ACTL8: variants seen among roughly 807,000 people sequenced by gnomAD.
The protein encoded by ACTL8 is actin like 8.
ACTL8 carries 3 observed loss-of-function variants against 9.3 expected under a neutral mutation model. The ratio of observed to expected loss-of-function variants is 0.32; its 90% CI spans 0.15 to 0.83. ACTL8 has a LOEUF of 0.83. Ranked by LOEUF, ACTL8 falls within the 40% of genes least tolerant of loss-of-function variation. The pLI, the probability that ACTL8 is intolerant of heterozygous loss-of-function variation, is 0.57. For missense variants in ACTL8, 381 were observed against 492.2 expected (o/e 0.77, Z 2.14); for synonymous variants, 224 against 205.9 (o/e 1.09, Z -0.75).
chr1:17,782,859 T>A (rs2066166546), intron 1 of ACTL8, among the ~76,000 whole-genome samples: 1 of 152,208 alleles, frequency 6.6e-6, no homozygotes, highest in African/African-American at 2.4e-5. Flanking sequence ...TGAATCTGTG[T>A]GAAGCTAGTC....
At chr1:17,766,321 A>G (rs988149884) in intron 1 of ACTL8, among the ~76,000 whole-genome samples, 1 of 152,158 alleles carries the variant, frequency 6.6e-6, no homozygotes, top group African/African-American at 2.4e-5. Context: ...TGGGACTGGT[A>G]CTTTGGCCCT....
chr1:17,785,948 G>T (rs2066194497), intron 1 of ACTL8, among the ~76,000 whole-genome samples: 1 of 152,110 alleles, frequency 6.6e-6, no homozygotes, highest in South Asian at 2.1e-4. Flanking sequence ...GCTGGAGTTG[G>T]GAGAGAAGTG....
At chr1:17,800,338 C>T (rs1465969189) in intron 1 of ACTL8, among the ~76,000 whole-genome samples, 3 of 152,052 alleles carry the variant, frequency 2.0e-5, no homozygotes, top group Non-Finnish European at 4.4e-5. Flanking sequence ...GTGTTTTCTT[C>T]TAGTTGGTTA....
chr1:17,822,766 A>G (rs945757294), intron 1 of ACTL8, among the ~76,000 whole-genome samples: 1 of 152,124 alleles, frequency 6.6e-6, no homozygotes, highest in African/African-American at 2.4e-5. Context: ...GGTGGGGGCC[A>G]CTTCCTGGAT....
chr1:17,790,251 C>T (rs1240692555), intron 1 of ACTL8, among the ~76,000 whole-genome samples: 3 of 152,224 alleles, frequency 2.0e-5, no homozygotes, highest in East Asian at 3.9e-4. Flanking sequence ...ATGGGGAGCT[C>T]CCAGGTCTGG....
At chr1:17,818,672 T>C (rs1396932217) in intron 1 of ACTL8, among the ~76,000 whole-genome samples, 1 of 152,222 alleles carries the variant, frequency 6.6e-6, no homozygotes, top group Admixed American at 6.5e-5. Context: ...TTCAGTTTTC[T>C]GCTCAGATGT....
chr1:17,812,022 T>TC (rs112469591), intron 1 of ACTL8, among the ~76,000 whole-genome samples: 73,443 of 151,498 alleles, frequency 0.48, 18,245 homozygotes, highest in East Asian at 0.68. Flanking sequence ...CTAATTTTTT[T>TC]ATTTTTTGTA....
chr1:17,784,462 G>A (rs1049536764), intron 1 of ACTL8, among the ~76,000 whole-genome samples: 5 of 152,282 alleles, frequency 3.3e-5, no homozygotes, highest in Admixed American at 6.5e-5. Context: ...TAGAAAGCGA[G>A]TTCCATTGTC....
At position 17,797,916 on chromosome 1, in the gene ACTL8, A is replaced by G. The variant is rs1359437721; in HGVS notation, c.-24-25069A>G. ...ACAGGGCAGGGGAGCAGGAAATCTG[A>G]CTTGGCTGTAGGAGGCGAGGAGGTG... On this transcript the variant is annotated intron_variant, in intron 1 of 2. Coordinates refer to ENST00000375406, the MANE Select transcript of ACTL8 (RefSeq NM_030812.3). Among the ~76,000 whole-genome samples, 2 of 152,130 alleles carry G rather than the reference A, an allele frequency of 1.3e-5. 1 individual carries two copies. Among genetic ancestry groups the G allele is most frequent in the Admixed American group, 1.3e-4 (2 of 15,274 alleles).
chr1:17,783,366 A>ATTTTTTTTTTTTTT (rs1557433767), intron 1 of ACTL8, among the ~76,000 whole-genome samples: 2 of 69,328 alleles, frequency 2.9e-5, no homozygotes, highest in African/African-American at 1.5e-4. Flanking sequence ...TTTTTTTTTA[A>ATTTTTTTTTTTTTT]AAAAACTCCA....
intron 1 of ACTL8, among the ~76,000 whole-genome samples, chr1:17,809,545 T>C (rs1328975570): frequency 1.3e-5 from 2 of 152,142 alleles, no homozygotes; most frequent in Non-Finnish European, 2.9e-5. Context: ...TTCATCTGTA[T>C]TTACAGCCAC....
intron 1 of ACTL8, among the ~76,000 whole-genome samples, chr1:17,779,038 C>T (rs983664430): frequency 1.1e-4 from 16 of 152,096 alleles, no homozygotes; most frequent in African/African-American, 2.4e-4. Context: ...GAAATGTCCC[C>T]GTCCCTGGCC....
chr1:17,763,872 G>C (rs2066025509), intron 1 of ACTL8, among the ~76,000 whole-genome samples: 1 of 152,146 alleles, frequency 6.6e-6, no homozygotes, highest in Non-Finnish European at 1.5e-5. Flanking sequence ...CTGGAAACAG[G>C]GGTTGCGATG....
At position 17,815,207 on chromosome 1, in the gene ACTL8, G is replaced by T. The variant is rs190349366; in HGVS notation, c.-24-7778G>T. Among the ~76,000 whole-genome samples, 659 of 152,256 alleles carry T rather than the reference G, an allele frequency of 4.3e-3. 4 individuals are homozygous for T. The highest frequency in any genetic ancestry group is 0.014 in the Middle Eastern group (4 of 294). Reference sequence around the variant, plus strand: ...TGCTTTCAATGGCCATACATATTTTGGGAGGAGAAAAATATACTTTATAAT... The same window carrying T: ...TGCTTTCAATGGCCATACATATTTTTGGAGGAGAAAAATATACTTTATAAT... On this transcript the variant is annotated intron_variant, in intron 1 of 2. Transcript: ENST00000375406.
chr1:17,760,134 G>C (rs77200089), intron 1 of ACTL8, among the ~76,000 whole-genome samples: 3,931 of 152,224 alleles, frequency 0.026, 159 homozygotes, highest in African/African-American at 0.088. Context: ...TGTGTTATGC[G>C]TTTTCATATC....
rs151058315 is a variant in ACTL8, at chr1:17,759,014, T to C, written c.-25+3510T>C. Among the ~76,000 whole-genome samples the C allele has an allele frequency of 7.9e-5, 12 of 152,330 alleles. No homozygotes were observed. The East Asian group carries it at 2.3e-3, about 29-fold the overall frequency. ...TCCTGGGCCTATTAGTCTCCTTGTT[T>C]TGGGGAGTGAGTGAGAACTTACAAG... On this transcript the variant is annotated intron_variant, in intron 1 of 2. Transcript: ENST00000375406.
At chr1:17,813,839 T>TTA (rs2066408387) in intron 1 of ACTL8, among the ~76,000 whole-genome samples, 1 of 152,234 alleles carries the variant, frequency 6.6e-6, no homozygotes, top group Admixed American at 6.5e-5. Context: ...GATTGAGCTT[T>TTA]GGTACTTTAT....
At chr1:17,798,951 GCT>G (rs1184173047) in intron 1 of ACTL8, among the ~76,000 whole-genome samples, 2 of 152,176 alleles carry the variant, frequency 1.3e-5, no homozygotes, top group African/African-American at 2.4e-5. Context: ...CTGTTTGAAA[GCT>G]CTGTCTGCAC....
intron 1 of ACTL8, among the ~76,000 whole-genome samples, chr1:17,761,602 G>A (rs541346337): frequency 1.4e-4 from 22 of 151,832 alleles, no homozygotes; most frequent in African/African-American, 4.1e-4. Flanking sequence ...ACTGAGTCTC[G>A]CTGTTTCACC....
Sources: allele counts gnomAD v4.1 joint callset (sites outside exome capture counted in the v4.1 genomes callset), GRCh38; gene constraint gnomAD v4.1.1; transcripts MANE v1.5; gene names NCBI Gene and HGNC (gene_info 2026-07-23, HGNC 2026-07-21).